Variants in PTCHD1 observed in about 807,000 individuals in gnomAD.
The protein encoded by PTCHD1 is patched domain-containing protein 1.
Under a neutral mutation model 34.6 loss-of-function variants are expected in PTCHD1, and 3 were observed. The ratio of observed to expected loss-of-function variants is 0.09; its 90% CI spans 0.04 to 0.22. PTCHD1 has a LOEUF of 0.22. Among genes scored for constraint, PTCHD1 ranks in the 10% least tolerant of loss-of-function variants. The probability of loss-of-function intolerance (pLI) is 1.00; values close to 1 mark genes in which losing one functional copy is unlikely to be tolerated. For synonymous variants in PTCHD1, 305 were observed against 283.1 expected (o/e 1.08, Z -0.77); for missense variants, 504 against 685.5 (o/e 0.74, Z 2.96).
At chrX:23,383,369 G>A (rs773586681) in intron 2 of PTCHD1, among the ~76,000 whole-genome samples, 97 of 111,846 alleles carry the variant, frequency 8.7e-4, no homozygotes, top group African/African-American at 3.1e-3. Flanking sequence ...AACATTGTCA[G>A]TGTGATTCTG....
intron 1 of PTCHD1, among the ~76,000 whole-genome samples, chrX:23,372,999 A>G (rs1010103606): frequency 1.8e-5 from 2 of 112,428 alleles, no homozygotes; most frequent in Admixed American, 9.4e-5. Context: ...CTCCCAGACT[A>G]CGGGAATAAA....
At chrX:23,338,040 C>G (rs1328044142) in intron 1 of PTCHD1, among the ~76,000 whole-genome samples, 1 of 111,554 alleles carries the variant, frequency 9.0e-6, no homozygotes, top group Non-Finnish European at 1.9e-5. Context: ...TCCAGCTGAT[C>G]TGGTTTGGAG....
intron 1 of PTCHD1, chrX:23,351,079 A>G: frequency 2.2e-6 from 1 of 459,961 alleles, no homozygotes; most frequent in South Asian, 4.3e-5. Context: ...ATGATTTGTC[A>G]TGAATGGGAA....
At chrX:23,381,154 C>T (rs1371246460) in intron 2 of PTCHD1, among the ~76,000 whole-genome samples, 2 of 112,232 alleles carry the variant, frequency 1.8e-5, no homozygotes, top group Non-Finnish European at 3.8e-5. Flanking sequence ...ACTATGAACT[C>T]AGGAGAATAT....
At chrX:23,373,516 G>C (rs1922327951) in intron 1 of PTCHD1, among the ~76,000 whole-genome samples, 1 of 112,748 alleles carries the variant, frequency 8.9e-6, no homozygotes, top group African/African-American at 3.2e-5. Flanking sequence ...TGATATTTCT[G>C]TTCACTTATT....
chrX:23,394,904 T>C lies in PTCHD1; in HGVS notation c.*719T>C, dbSNP rs1922950024. 8.8e-6 allele frequency: 1 copy of C among 113,070 alleles called. No homozygotes were observed. Among genetic ancestry groups the C allele is most frequent in the Non-Finnish European group, 1.9e-5 (1 of 53,457 alleles). 9.3% of individuals were successfully genotyped at this position (113,070 alleles called of 1,213,427 possible). ...CCTTTAACATTTGTATAGTTTGGTTTGCTTAAAACACCTTAAAACCAATGA... is the reference window on the plus strand; with the variant it reads ...CCTTTAACATTTGTATAGTTTGGTTCGCTTAAAACACCTTAAAACCAATGA... On this transcript the variant is annotated 3_prime_UTR_variant, in exon 3 of 3. Transcript: ENST00000379361.
At chrX:23,339,479 T>A (rs1486124190) in intron 1 of PTCHD1, among the ~76,000 whole-genome samples, 1 of 112,272 alleles carries the variant, frequency 8.9e-6, no homozygotes, top group Non-Finnish European at 1.9e-5. Flanking sequence ...CGCTCAAATA[T>A]CAAGTTTCTG....
At chrX:23,367,761 G>C (rs1292831346) in intron 1 of PTCHD1, among the ~76,000 whole-genome samples, 1 of 111,614 alleles carries the variant, frequency 9.0e-6, no homozygotes, top group African/African-American at 3.3e-5. Flanking sequence ...ATGATGACAG[G>C]ATAGTATCAC....
At chrX:23,376,447 C>G (rs1922416356) in intron 1 of PTCHD1, among the ~76,000 whole-genome samples, 1 of 112,273 alleles carries the variant, frequency 8.9e-6, no homozygotes, top group Non-Finnish European at 1.9e-5. Flanking sequence ...ATATCTGGTA[C>G]TACAGTTTAG....
At chrX:23,364,362 A>T (rs748555546) in intron 1 of PTCHD1, among the ~76,000 whole-genome samples, 1 of 93,991 alleles carries the variant, frequency 1.1e-5, no homozygotes, top group East Asian at 3.5e-4. Context: ...CTTAATTATG[A>T]AGAGTGTAGA....
At chrX:23,371,324 G>T (rs1022957254) in intron 1 of PTCHD1, among the ~76,000 whole-genome samples, 7 of 111,957 alleles carry the variant, frequency 6.3e-5, no homozygotes, top group Admixed American at 5.7e-4. Context: ...AGGAAGCACT[G>T]AGAAGAGAAC....
chrX:23,354,452 G>GAGAA (rs1346405655), intron 1 of PTCHD1, among the ~76,000 whole-genome samples: 13 of 98,337 alleles, frequency 1.3e-4, no homozygotes, highest in African/African-American at 4.9e-4. Context: ...GAGAGAGAGA[G>GAGAA]AAACACACAA....
intron 1 of PTCHD1, among the ~76,000 whole-genome samples, chrX:23,352,568 G>A (rs1918559): frequency 0.55 from 60,152 of 110,025 alleles, 14,206 homozygotes; most frequent in African/African-American, 0.9. Context: ...TCATCAGAGG[G>A]GACTGGAATG....
chrX:23,387,583 TA>T (rs1248626947), intron 2 of PTCHD1, among the ~76,000 whole-genome samples: 1 of 112,169 alleles, frequency 8.9e-6, no homozygotes, highest in African/African-American at 3.2e-5. Flanking sequence ...ATAAAATTAA[TA>T]AAAGCAGTTT....
At chrX:23,390,833 G>C (rs1352205786) in intron 2 of PTCHD1, among the ~76,000 whole-genome samples, 1 of 112,100 alleles carries the variant, frequency 8.9e-6, no homozygotes, top group Non-Finnish European at 1.9e-5. Flanking sequence ...AGATAACAGT[G>C]ACTCACTTTA....
chrX:23,372,199 TA>T (rs774338962), intron 1 of PTCHD1, among the ~76,000 whole-genome samples: 3 of 109,082 alleles, frequency 2.8e-5, no homozygotes, highest in Admixed American at 9.8e-5. Context: ...TTTTTTAAAT[TA>T]GGGGTGAGCT....
intron 1 of PTCHD1, among the ~76,000 whole-genome samples, chrX:23,344,270 G>A (rs918290882): frequency 5.4e-5 from 6 of 112,061 alleles, no homozygotes; most frequent in South Asian, 3.7e-4. Flanking sequence ...TGAGAAACAC[G>A]CTCCTTATTT....
At chrX:23,338,596 A>G in intron 1 of PTCHD1, among the ~76,000 whole-genome samples, 1 of 112,301 alleles carries the variant, frequency 8.9e-6, no homozygotes, top group Middle Eastern at 4.6e-3. Context: ...GTAAATTGGG[A>G]AAAATGCTAT....
At chrX:23,342,629 G>C (rs1237069549) in intron 1 of PTCHD1, among the ~76,000 whole-genome samples, 1 of 110,798 alleles carries the variant, frequency 9.0e-6, no homozygotes, top group Non-Finnish European at 1.9e-5. Flanking sequence ...TGCTGGTAAA[G>C]ATGACTCCAA....
Sources: gnomAD v4.1 joint callset for allele counts (sites outside exome capture counted in the v4.1 genomes callset) on GRCh38, gnomAD v4.1.1 for gene constraint, MANE v1.5 for transcripts, NCBI Gene and HGNC (gene_info 2026-07-23, HGNC 2026-07-21) for gene names.